NAV3: variants seen among roughly 807,000 people sequenced by gnomAD.
The protein encoded by NAV3 is neuron navigator 3.
In NAV3, 87 loss-of-function variants were observed where a neutral mutation model predicts 244.7. The ratio of observed to expected loss-of-function variants is 0.36; its 90% CI spans 0.30 to 0.42. NAV3 has a LOEUF of 0.42. Among genes scored for constraint, NAV3 ranks in the 20% least tolerant of loss-of-function variants. NAV3 has a pLI of 1.00. For synonymous variants in NAV3, 1,126 were observed against 1,042.2 expected, an observed-to-expected ratio of 1.08 and a Z score of -1.55; for missense variants, 2,663 against 2,893.3, an observed-to-expected ratio of 0.92 and a Z score of 1.83.
At chr12:78,029,026 C>A (rs1878534534) in intron 9 of NAV3, among the ~76,000 whole-genome samples, 1 of 151,982 alleles carries the variant, frequency 6.6e-6, no homozygotes, top group Non-Finnish European at 1.5e-5. Context: ...TGTTGTCAAG[C>A]CTTGGAATGC....
intron 2 of NAV3, among the ~76,000 whole-genome samples, chr12:77,682,932 G>A (rs983925237): frequency 4.6e-5 from 7 of 151,916 alleles, no homozygotes; most frequent in Non-Finnish European, 1.0e-4. Context: ...TCAAGTCTAT[G>A]ACCTGCAAAT....
chr12:78,128,086 C>A (rs947988648), intron 17 of NAV3, among the ~76,000 whole-genome samples: 1 of 151,916 alleles, frequency 6.6e-6, no homozygotes, highest in Non-Finnish European at 1.5e-5. Context: ...GAAACTAGGT[C>A]TTTCTCCATT....
intron 1 of NAV3, among the ~76,000 whole-genome samples, chr12:77,888,517 A>G (rs1264610079): frequency 6.6e-6 from 1 of 152,184 alleles, no homozygotes; most frequent in Non-Finnish European, 1.5e-5. Context: ...TTCTGCAGTG[A>G]GCTTAATGGC....
At position 77,824,894 on chromosome 12, in the gene NAV3, AAACAACAACAACAAC is replaced by A. The variant is rs149054152; in HGVS notation, c.73-115407_73-115393del. Among the ~76,000 whole-genome samples, 9 of 150,484 alleles carry A rather than the reference AAACAACAACAACAAC, an allele frequency of 6.0e-5. No individual in the cohort carries two copies. In the South Asian group the frequency reaches 6.3e-4, roughly 11 times the overall value. ...GTGAGAGAACAAGACTCCGTCTCAAAAACAACAACAACAACAACAACAACAACAACAAAGAAAATC... is the reference window on the plus strand; with the variant it reads ...GTGAGAGAACAAGACTCCGTCTCAAAAACAACAACAACAACAAAGAAAATC... On this transcript the variant is annotated intron_variant, in intron 2 of 8. Transcript: ENST00000550042.
chr12:78,010,988 T>C (rs1875176148), intron 8 of NAV3: 1 of 152,154 alleles, frequency 6.6e-6, no homozygotes, highest in Admixed American at 6.6e-5. Context: ...ATATAAATTA[T>C]TCTGTACATA....
chr12:77,940,459 A>G, intron 2 of NAV3, 23 bp downstream of exon 2: 1 of 1,571,506 alleles, frequency 6.4e-7, no homozygotes, highest in Non-Finnish European at 8.7e-7. Context: ...TTCTGAAAGA[A>G]AGCATGAAAG....
rs139800280 is a variant in NAV3 at position 77,810,184 on chromosome 12, G to A, written c.73-130135G>A. Among the ~76,000 whole-genome samples, 694 of 152,168 alleles carry A rather than the reference G, an allele frequency of 4.6e-3. 2 individuals are homozygous for A. Among genetic ancestry groups the A allele is most frequent in the Admixed American group, 7.3e-3 (111 of 15,298 alleles). On this transcript the variant is annotated intron_variant, in intron 2 of 8. Transcript: ENST00000550042. ...TGTTTGTTTGTTTGTGTGTTTGTTT[G>A]TTTTTGAGACGGAGTCTCGCTCTGT...
chr12:77,801,953 A>G (rs1871730549), intron 2 of NAV3, among the ~76,000 whole-genome samples: 1 of 152,168 alleles, frequency 6.6e-6, no homozygotes, highest in South Asian at 2.1e-4. Context: ...TCTACTCTTC[A>G]TAGTATTTTT....
At chr12:78,141,632 T>C (rs414037) in intron 20 of NAV3, among the ~76,000 whole-genome samples, 50,932 of 152,024 alleles carry the variant, frequency 0.34, 8,827 homozygotes, top group East Asian at 0.48. Flanking sequence ...TTGGCAGAGG[T>C]AATATTTTTC....
chr12:78,091,274 T>G (rs1199229895), intron 12 of NAV3, among the ~76,000 whole-genome samples: 1 of 152,174 alleles, frequency 6.6e-6, no homozygotes. Flanking sequence ...TTGTCCTTAA[T>G]GTTGACTTCA....
At chr12:77,665,197 A>T (rs1311972197) in intron 2 of NAV3, among the ~76,000 whole-genome samples, 1 of 152,226 alleles carries the variant, frequency 6.6e-6, no homozygotes, top group African/African-American at 2.4e-5. Context: ...GTAGGTGCAT[A>T]TGCAAATAAA....
At position 77,846,810 on chromosome 12, in the gene NAV3, A is replaced by AT. The variant is rs1014691524; in HGVS notation, c.243+15114dup. On this transcript the variant is annotated intron_variant, in intron 1 of 39. Coordinates refer to ENST00000397909, the MANE Select transcript of NAV3 (RefSeq NM_001024383.2). ...CAGAGGTTTTATTCAAAGGAGAATG[A>AT]TTTTTTTTCAATGAGGTTCAAATAT... is the stretch of plus-strand genomic sequence containing the variant. Among the ~76,000 whole-genome samples, 230 of 151,992 alleles carry AT rather than the reference A, an allele frequency of 1.5e-3. 1 individual carries two copies. The highest frequency in any genetic ancestry group is 5.0e-3 in the African/African-American group (208 of 41,456).
chr12:77,746,196 C>G (rs1168039227), intron 2 of NAV3, among the ~76,000 whole-genome samples: 2 of 152,044 alleles, frequency 1.3e-5, no homozygotes, highest in Non-Finnish European at 2.9e-5. Flanking sequence ...CAAACATTTT[C>G]TCACGGGGAT....
At chr12:78,121,885 A>G in intron 15 of NAV3, 55 bp from the exon 16 acceptor site, 1 of 1,593,574 alleles carries the variant, frequency 6.3e-7, no homozygotes, top group Non-Finnish European at 8.6e-7. Flanking sequence ...CGAAATATTA[A>G]ATGTGGATAT....
intron 2 of NAV3, among the ~76,000 whole-genome samples, chr12:77,780,355 ATCT>A (rs1372278750): frequency 6.6e-6 from 1 of 152,178 alleles, no homozygotes; most frequent in Non-Finnish European, 1.5e-5. Flanking sequence ...ATATGTTAAA[ATCT>A]TCTTATAAAT....
intron 2 of NAV3, among the ~76,000 whole-genome samples, chr12:77,573,451 A>G (rs1193314532): frequency 1.3e-5 from 2 of 152,204 alleles, no homozygotes; most frequent in East Asian, 1.9e-4. Flanking sequence ...ACTAAATACT[A>G]TAAAATTCAA....
At chr12:77,930,307 A>C (rs1263055765) in intron 1 of NAV3, among the ~76,000 whole-genome samples, 1 of 152,156 alleles carries the variant, frequency 6.6e-6, no homozygotes, top group Non-Finnish European at 1.5e-5. Flanking sequence ...AATATTATTC[A>C]CTACCAGACT....
intron 5 of NAV3, among the ~76,000 whole-genome samples, chr12:77,980,110 A>G (rs1327641964): frequency 6.6e-6 from 1 of 152,188 alleles, no homozygotes; most frequent in African/African-American, 2.4e-5. Context: ...CTTATTGTCC[A>G]GATATAATTA....
rs540833822 is a variant in NAV3, at chr12:77,755,117, T to C, written c.72+182851T>C. 8.4e-4 allele frequency among the ~76,000 whole-genome samples: 128 copies of C among 152,340 alleles called. No individual in the cohort carries two copies. The Middle Eastern group carries it at 0.017, about 20-fold the overall frequency. ...CTCAGCCTACAGGTGGACATTTTCATATACATATGAATCTCACCATCTTCA... is the reference window on the plus strand; with the variant it reads ...CTCAGCCTACAGGTGGACATTTTCACATACATATGAATCTCACCATCTTCA... On this transcript the variant is annotated intron_variant, in intron 2 of 8. Transcript: ENST00000550042.
Sources: gnomAD v4.1 joint callset for allele counts (sites outside exome capture counted in the v4.1 genomes callset) on GRCh38, gnomAD v4.1.1 for gene constraint, MANE v1.5 for transcripts, NCBI Gene and HGNC (gene_info 2026-07-23, HGNC 2026-07-21) for gene names.